CLSTN2: variants seen among roughly 807,000 people sequenced by gnomAD.
CLSTN2 encodes the protein calsyntenin 2.
In CLSTN2, 48 loss-of-function variants were observed where a neutral mutation model predicts 101.2. The observed-to-expected ratio is 0.47, with a 90% CI of 0.38 to 0.60. CLSTN2 has a LOEUF of 0.60. Ranked by LOEUF, CLSTN2 falls within the 20% of genes least tolerant of loss-of-function variation. The pLI, the probability that CLSTN2 is intolerant of heterozygous loss-of-function variation, is 0.00. For synonymous variants in CLSTN2, 481 were observed against 463.6 expected (o/e 1.04, Z -0.48); for missense variants, 1,160 against 1,238.2 (o/e 0.94, Z 0.95).
intron 2 of CLSTN2, among the ~76,000 whole-genome samples, chr3:140,301,487 T>C (rs1006917745): frequency 3.3e-5 from 5 of 152,232 alleles, no homozygotes; most frequent in Non-Finnish European, 7.3e-5. Context: ...TGCTTTTACA[T>C]TTGCTCTGTG....
chr3:140,562,367 A>G (rs998049843), intron 13 of CLSTN2, 59 bp downstream of exon 13: 2 of 1,502,142 alleles, frequency 1.3e-6, no homozygotes, highest in African/African-American at 1.4e-5. Flanking sequence ...GTCCTTGTCC[A>G]GGGAGACATG....
chr3:140,424,034 G>C (rs879680874), intron 5 of CLSTN2, among the ~76,000 whole-genome samples: 13 of 152,204 alleles, frequency 8.5e-5, no homozygotes, highest in Non-Finnish European at 1.5e-4. Flanking sequence ...TTGCTTTGCT[G>C]AGGATCCTTT....
At chr3:139,936,751 G>T (rs1935029581) in intron 1 of CLSTN2, among the ~76,000 whole-genome samples, 1 of 152,182 alleles carries the variant, frequency 6.6e-6, no homozygotes, top group Non-Finnish European at 1.5e-5. Context: ...TAACTTAGGA[G>T]TGATATATTT....
intron 8 of CLSTN2, among the ~76,000 whole-genome samples, chr3:140,492,247 G>C (rs1238546667): frequency 6.6e-6 from 1 of 152,318 alleles, no homozygotes; most frequent in South Asian, 2.1e-4. Context: ...AATTGGTACA[G>C]CCTCTTTAGA....
At chr3:140,424,317 T>C (rs764485129) in intron 5 of CLSTN2, among the ~76,000 whole-genome samples, 1 of 152,130 alleles carries the variant, frequency 6.6e-6, no homozygotes, top group Non-Finnish European at 1.5e-5. Context: ...CCCTCCAGGC[T>C]CTCTGATATC....
At chr3:140,434,934 G>T (rs929445507) in intron 5 of CLSTN2, among the ~76,000 whole-genome samples, 3 of 151,784 alleles carry the variant, frequency 2.0e-5, no homozygotes, top group Non-Finnish European at 2.9e-5. Context: ...TACCACTTTT[G>T]TGGGTACATA....
intron 2 of CLSTN2, among the ~76,000 whole-genome samples, chr3:140,238,168 G>A (rs1576478907): frequency 6.6e-6 from 1 of 152,302 alleles, no homozygotes; most frequent in East Asian, 1.9e-4. Flanking sequence ...GAGGACAGAA[G>A]ACATTTCTTC....
At chr3:140,280,699 G>C (rs1029489107) in intron 2 of CLSTN2, among the ~76,000 whole-genome samples, 3 of 152,174 alleles carry the variant, frequency 2.0e-5, no homozygotes, top group Non-Finnish European at 4.4e-5. Context: ...CATGGAACAG[G>C]CTGGCTTTAT....
At chr3:140,558,138 A>C (rs890465178) in intron 11 of CLSTN2, among the ~76,000 whole-genome samples, 2 of 152,186 alleles carry the variant, frequency 1.3e-5, no homozygotes, top group Non-Finnish European at 2.9e-5. Context: ...GCAGTGTATC[A>C]GGAGAAAGGA....
intron 1 of CLSTN2, among the ~76,000 whole-genome samples, chr3:140,069,715 G>C (rs181586993): frequency 3.7e-4 from 56 of 152,276 alleles, no homozygotes; most frequent in Admixed American, 1.0e-3. Context: ...ATTTAAACTT[G>C]ATTTAGCTAG....
intron 8 of CLSTN2, among the ~76,000 whole-genome samples, chr3:140,497,205 C>T (rs1007658563): frequency 5.3e-5 from 8 of 152,060 alleles, no homozygotes; most frequent in African/African-American, 1.9e-4. Context: ...CTCTCCAGAG[C>T]CAGCAGGCTG....
intron 1 of CLSTN2, among the ~76,000 whole-genome samples, chr3:140,169,373 A>G (rs1304679200): frequency 1.3e-5 from 2 of 152,036 alleles, no homozygotes; most frequent in Non-Finnish European, 2.9e-5. Context: ...AGTTCTAAGC[A>G]TGTTTTATTC....
intron 1 of CLSTN2, among the ~76,000 whole-genome samples, chr3:139,955,378 A>G (rs1312407642): frequency 6.6e-6 from 1 of 152,034 alleles, no homozygotes; most frequent in Non-Finnish European, 1.5e-5. Context: ...GCCTGAGGAT[A>G]TAAAAACCTG....
chr3:140,083,092 G>T (rs1298821480), intron 1 of CLSTN2, among the ~76,000 whole-genome samples: 1 of 152,142 alleles, frequency 6.6e-6, no homozygotes, highest in African/African-American at 2.4e-5. Context: ...CCTTTTGCTG[G>T]ACACTATATG....
intron 1 of CLSTN2, among the ~76,000 whole-genome samples, chr3:139,971,796 T>A (rs1347657191): frequency 6.6e-6 from 1 of 152,128 alleles, no homozygotes; most frequent in Non-Finnish European, 1.5e-5. Flanking sequence ...GACTGAAGGA[T>A]GGGAGACATG....
chr3:140,068,362 CT>C (rs1372696061), intron 1 of CLSTN2, among the ~76,000 whole-genome samples: 2 of 152,186 alleles, frequency 1.3e-5, no homozygotes, highest in African/African-American at 4.8e-5. Context: ...TTTTAGAGTT[CT>C]TATAAGACCT....
At chr3:140,439,183 G>C (rs2088718024) in intron 5 of CLSTN2, among the ~76,000 whole-genome samples, 1 of 152,240 alleles carries the variant, frequency 6.6e-6, no homozygotes, top group Admixed American at 6.5e-5. Flanking sequence ...AACGGAATGT[G>C]GTGTCTCAGA....
intron 2 of CLSTN2, among the ~76,000 whole-genome samples, chr3:140,271,921 A>C (rs1196186490): frequency 6.6e-6 from 1 of 152,236 alleles, no homozygotes; most frequent in Non-Finnish European, 1.5e-5. Context: ...ATGAACACTG[A>C]GCTTCTATGA....
At chr3:140,032,577 T>C (rs1026997314) in intron 1 of CLSTN2, among the ~76,000 whole-genome samples, 5 of 152,182 alleles carry the variant, frequency 3.3e-5, no homozygotes, top group African/African-American at 1.2e-4. Flanking sequence ...CCTCAGGTGA[T>C]CTGCCCACCT....
Sources: gnomAD v4.1 joint callset for allele counts (sites outside exome capture counted in the v4.1 genomes callset) on GRCh38, gnomAD v4.1.1 for gene constraint, MANE v1.5 for transcripts, NCBI Gene and HGNC (gene_info 2026-07-23, HGNC 2026-07-21) for gene names.